CDK19: variants seen among roughly 807,000 people sequenced by gnomAD.
CDK19 encodes the protein cyclin dependent kinase 19.
In CDK19, 20 loss-of-function variants were observed where a neutral mutation model predicts 68.3. The observed-to-expected ratio is 0.29, with a 90% CI of 0.21 to 0.43. The LOEUF (loss-of-function observed/expected upper bound fraction) is 0.43. Among genes scored for constraint, CDK19 ranks in the 20% least tolerant of loss-of-function variants. The probability of loss-of-function intolerance (pLI) is 1.00; values close to 1 mark genes in which losing one functional copy is unlikely to be tolerated. For missense variants in CDK19, 339 were observed against 623.5 expected (o/e 0.54, Z 4.86); for synonymous variants, 221 against 222.8 (o/e 0.99, Z 0.07).
intron 1 of CDK19, among the ~76,000 whole-genome samples, chr6:110,802,892 T>C (rs1031753408): frequency 6.6e-6 from 1 of 152,200 alleles, no homozygotes; most frequent in African/African-American, 2.4e-5. Context: ...GCTTCTCTGA[T>C]GGAAACTTAA....
intron 2 of CDK19, among the ~76,000 whole-genome samples, chr6:110,724,558 T>C (rs1457709697): frequency 6.6e-6 from 1 of 152,098 alleles, no homozygotes; most frequent in Non-Finnish European, 1.5e-5. Context: ...ATCAGTCCAG[T>C]GGCTTTGTTT....
chr6:110,755,175 G>T (rs1416255389), intron 1 of CDK19, among the ~76,000 whole-genome samples: 1 of 151,880 alleles, frequency 6.6e-6, no homozygotes, highest in Non-Finnish European at 1.5e-5. Context: ...TAAGTAGCTG[G>T]GACTACAGGC....
intron 4 of CDK19, among the ~76,000 whole-genome samples, chr6:110,661,641 G>A (rs564224070): frequency 3.5e-4 from 53 of 152,220 alleles, no homozygotes; most frequent in African/African-American, 1.2e-3. Flanking sequence ...ATCAGATGAA[G>A]AAATCATATC....
At position 110,776,387 on chromosome 6, in the gene CDK19, CCA is replaced by C. The variant is rs1317000062; in HGVS notation, c.129-30188_129-30187del. 5.9e-5 allele frequency among the ~76,000 whole-genome samples: 9 copies of C among 151,902 alleles called. No individual in the cohort carries two copies. The South Asian group carries it at 1.0e-3, about 18-fold the overall frequency. ...GAGGTTGCAGTGAGCCGAGATCGTGCCACTGCACTCCAGCCTGGGCAACAAGA... is the reference window on the plus strand; with the variant it reads ...GAGGTTGCAGTGAGCCGAGATCGTGCCTGCACTCCAGCCTGGGCAACAAGA... On this transcript the variant is annotated intron_variant, in intron 1 of 12. Transcript: ENST00000368911.
Position 110,624,404 on chromosome 6 carries a change from A to C in CDK19, c.861-1042T>G, listed in dbSNP as rs527924873. The stretch of plus-strand genomic sequence containing the variant: ...TACATATGAAATATTTCAAATTAAA[A>C]GGTCTAAAAATAGGTAATGTATGTT... On this transcript the variant is annotated intron_variant, in intron 8 of 12. Coordinates refer to ENST00000368911, the MANE Select transcript of CDK19 (RefSeq NM_015076.5). Among the ~76,000 whole-genome samples the C allele has an allele frequency of 1.2e-3, 187 of 152,282 alleles. 1 individual carries two copies. Among genetic ancestry groups the C allele is most frequent in the African/African-American group, 4.4e-3 (182 of 41,556 alleles).
At chr6:110,672,892 A>G (rs1771142252) in intron 2 of CDK19, among the ~76,000 whole-genome samples, 1 of 152,096 alleles carries the variant, frequency 6.6e-6, no homozygotes, top group South Asian at 2.1e-4. Context: ...TTTCTAGATC[A>G]CCTCTTTTAA....
chr6:110,716,906 G>A (rs1441995794), intron 2 of CDK19, among the ~76,000 whole-genome samples: 1 of 152,158 alleles, frequency 6.6e-6, no homozygotes, highest in African/African-American at 2.4e-5. Context: ...GGCCGAGGTG[G>A]ACGGATCACG....
intron 1 of CDK19, among the ~76,000 whole-genome samples, chr6:110,790,754 T>C (rs1398458930): frequency 6.6e-6 from 1 of 152,162 alleles, no homozygotes; most frequent in African/African-American, 2.4e-5. Context: ...AAACAAAGTT[T>C]TAACTGGACA....
At chr6:110,649,346 T>C (rs1780825832) in intron 4 of CDK19, among the ~76,000 whole-genome samples, 1 of 152,100 alleles carries the variant, frequency 6.6e-6, no homozygotes, top group South Asian at 2.1e-4. Context: ...CTTCACCTTA[T>C]ACCATAAACA....
chr6:110,704,525 A>G (rs920954335), intron 2 of CDK19, among the ~76,000 whole-genome samples: 13 of 151,980 alleles, frequency 8.6e-5, no homozygotes, highest in African/African-American at 2.2e-4. Flanking sequence ...CCCTATGGGG[A>G]TTATCTATAC....
chr6:110,769,643 T>A (rs1779868959), intron 1 of CDK19, among the ~76,000 whole-genome samples: 1 of 151,940 alleles, frequency 6.6e-6, no homozygotes, highest in South Asian at 2.1e-4. Flanking sequence ...AACTCTACTT[T>A]CTACTCCAGG....
At chr6:110,753,360 C>G (rs1433296110) in intron 1 of CDK19, among the ~76,000 whole-genome samples, 3 of 150,498 alleles carry the variant, frequency 2.0e-5, no homozygotes, top group Non-Finnish European at 4.4e-5. Context: ...TTAGTTTAGC[C>G]AAAAAAAACT....
intron 6 of CDK19, among the ~76,000 whole-genome samples, chr6:110,630,686 T>C (rs984353587): frequency 1.1e-4 from 17 of 152,244 alleles, no homozygotes; most frequent in Non-Finnish European, 2.2e-4. Context: ...TGGTAGCCTC[T>C]GATCTGCTGC....
chr6:110,812,369 G>A (rs923947999), intron 1 of CDK19, among the ~76,000 whole-genome samples: 2 of 152,050 alleles, frequency 1.3e-5, no homozygotes, highest in African/African-American at 2.4e-5. Context: ...TGATCCACCC[G>A]CCTCGGCCTC....
chr6:110,688,229 T>C (rs1326287014), intron 2 of CDK19, among the ~76,000 whole-genome samples: 1 of 151,496 alleles, frequency 6.6e-6, no homozygotes, highest in Non-Finnish European at 1.5e-5. Flanking sequence ...CTACTAAAAA[T>C]AAAAAAATTA....
chr6:110,691,347 A>T (rs1772971273), intron 2 of CDK19, among the ~76,000 whole-genome samples: 1 of 151,968 alleles, frequency 6.6e-6, no homozygotes, highest in Non-Finnish European at 1.5e-5. Flanking sequence ...GGTGGCAGGC[A>T]CTTGTAATTC....
chr6:110,806,786 TG>T (rs1192248885), intron 1 of CDK19, among the ~76,000 whole-genome samples: 1 of 151,948 alleles, frequency 6.6e-6, no homozygotes, highest in Non-Finnish European at 1.5e-5. Context: ...GAGACCAGCC[TG>T]GCCAACATGG....
At chr6:110,635,611 C>T (rs928268776) in intron 5 of CDK19, among the ~76,000 whole-genome samples, 2 of 152,184 alleles carry the variant, frequency 1.3e-5, no homozygotes, top group African/African-American at 4.8e-5. Context: ...ATGATCTCGG[C>T]TCACTGCAAC....
intron 1 of CDK19, among the ~76,000 whole-genome samples, chr6:110,749,179 A>G (rs1778285649): frequency 1.3e-5 from 2 of 152,206 alleles, no homozygotes; most frequent in African/African-American, 2.4e-5. Context: ...TACTATAAAC[A>G]TGGATAAATG....
Sources: allele counts gnomAD v4.1 joint callset (sites outside exome capture counted in the v4.1 genomes callset), GRCh38; gene constraint gnomAD v4.1.1; transcripts MANE v1.5; gene names NCBI Gene and HGNC (gene_info 2026-07-23, HGNC 2026-07-21).